Variants in CPNE9 observed in about 807,000 individuals in gnomAD.
The protein encoded by CPNE9 is copine family member 9, also known as copine-9.
A neutral mutation model predicts 83.0 loss-of-function variants in CPNE9; 59 were observed. The observed-to-expected ratio is 0.71, with a 90% confidence interval of 0.58 to 0.88. CPNE9 has a LOEUF of 0.88. Among genes scored for constraint, CPNE9 ranks in the 40% least tolerant of loss-of-function variants. The pLI, the probability that CPNE9 is intolerant of heterozygous loss-of-function variation, is 0.00. For synonymous variants in CPNE9, 256 were observed against 273.4 expected (o/e 0.94, Z 0.63); for missense variants, 619 against 720.8 (o/e 0.86, Z 1.62).
intron 17 of CPNE9, 134 bp downstream of exon 17, chr3:9,718,736 C>A: frequency 1.9e-6 from 2 of 1,056,108 alleles, no homozygotes; most frequent in Non-Finnish European, 2.7e-6. Context: ...CATGGTGGCT[C>A]ATACCTGTAA....
At chr3:9,728,573 A>G (rs569847168) in intron 20 of CPNE9, among the ~76,000 whole-genome samples, 1 of 152,344 alleles carries the variant, frequency 6.6e-6, no homozygotes, top group East Asian at 1.9e-4. Flanking sequence ...CAGTGAGCCG[A>G]GATCGCACCA....
chr3:9,715,503 A>G lies in CPNE9; in HGVS notation c.799A>G (p.Lys267Glu). Residue 267 changes from lysine to glutamate, a missense_variant, in exon 13 of 21, where the codon AAG becomes GAG. By Grantham distance (56) the Lys-to-Glu change is moderately conservative. Around this residue, in one of 3 missense-constraint regions of CPNE9, gnomAD observed 438 missense variants for 562.9 expected, o/e 0.78. Coordinates refer to ENST00000383832, the MANE Select transcript of CPNE9 (RefSeq NM_153635.3). ...TAACCCTCGGAAGAAATGTAAGAAG[A>G]AGAAATATGTCAACTCAGGAACTGT... ...VLNPRKKCKK[K>E]KYVNSGTVTL... 6.2e-7 allele frequency: 1 copy of G among 1,614,064 alleles called. No individual in the cohort carries two copies. Among genetic ancestry groups the G allele is most frequent in the Non-Finnish European group, 8.5e-7 (1 of 1,179,946 alleles).
At chr3:9,705,643 C>T (rs73021421) in intron 5 of CPNE9, 75 bp from the exon 6 acceptor site, 1 of 1,593,280 alleles carries the variant, frequency 6.3e-7, no homozygotes, top group East Asian at 2.2e-5. Context: ...CCCTCTCCTC[C>T]TGCCTGAGTG....
In CPNE9 at chr3:9,712,747, G is replaced by A. The variant is rs1156539921; in HGVS notation, c.464G>A (p.Cys155Tyr). Residue 155 changes from cysteine (C) to tyrosine (Y), a missense_variant, in exon 9 of 21, where the codon TGT becomes TAT. This residue lies in a region of CPNE9 where 438 missense variants were observed against 562.9 expected (regional missense o/e 0.78). Transcript: ENST00000383832. ...TAGGACATTGCCACCATGCAGCTGT[G>A]TGCAAACAAGCTGGACAAGAAGGAC... is the stretch of plus-strand genomic sequence containing the variant. ...NCRDIATMQL[C>Y]ANKLDKKDFF... 6.2e-7 allele frequency: 1 copy of A among 1,614,008 alleles called. No homozygotes were observed. The highest frequency in any genetic ancestry group is 1.3e-5 in the African/African-American group (1 of 74,910).
chr3:9,725,275 C>T lies in CPNE9; in HGVS notation c.1242-674C>T, dbSNP rs529919429. 2.6e-5 allele frequency among the ~76,000 whole-genome samples: 4 copies of T among 152,224 alleles called. No homozygotes were observed. In the South Asian group the frequency reaches 8.3e-4, roughly 32 times the overall value. On this transcript the variant is annotated intron_variant, in intron 17 of 20. Transcript: ENST00000383832. ...GCAGACCAGGCACGGTGGCTCATGCCTGTGCTCCCAGCACTTTGAGAGGCT... is the reference window on the plus strand; with the variant it reads ...GCAGACCAGGCACGGTGGCTCATGCTTGTGCTCCCAGCACTTTGAGAGGCT...
chr3:9,721,176 C>T (rs146895684), intron 17 of CPNE9, among the ~76,000 whole-genome samples: 154 of 152,324 alleles, frequency 1.0e-3, no homozygotes, highest in African/African-American at 3.4e-3. Context: ...TGGGAGCTCC[C>T]GCCTTGGTGC....
intron 17 of CPNE9, among the ~76,000 whole-genome samples, chr3:9,724,345 C>T (rs1394221292): frequency 6.6e-6 from 1 of 152,122 alleles, no homozygotes; most frequent in Non-Finnish European, 1.5e-5. Flanking sequence ...GGGAGGACTG[C>T]ATGGGGCCCA....
chr3:9,711,064 T>C (rs954250553), intron 7 of CPNE9, among the ~76,000 whole-genome samples: 8 of 151,788 alleles, frequency 5.3e-5, no homozygotes, highest in African/African-American at 1.7e-4. Flanking sequence ...AGAGACAGGA[T>C]GCAAGGGAAT....
intron 7 of CPNE9, among the ~76,000 whole-genome samples, chr3:9,707,122 G>C (rs1266838097): frequency 6.6e-6 from 1 of 152,070 alleles, no homozygotes; most frequent in African/African-American, 2.4e-5. Context: ...GGGAGGCTGA[G>C]GCAGGCGGAT....
At chr3:9,725,674 GTGTATATATATATACATATA>G (rs1239631306) in intron 17 of CPNE9, among the ~76,000 whole-genome samples, 38 of 29,184 alleles carry the variant, frequency 1.3e-3, no homozygotes, top group Admixed American at 2.1e-3. Context: ...GTATATATAT[GTGTATATATATATACATATA>G]TGTGTATATA....
At chr3:9,722,490 T>A (rs995270833) in intron 17 of CPNE9, among the ~76,000 whole-genome samples, 1 of 151,826 alleles carries the variant, frequency 6.6e-6, no homozygotes, top group Non-Finnish European at 1.5e-5. Flanking sequence ...AACCCTTCCA[T>A]GATGCCCATT....
chr3:9,726,095 T>C (rs1027042572), intron 18 of CPNE9, 44 bp downstream of exon 18: 5 of 1,243,050 alleles, frequency 4.0e-6, no homozygotes, highest in Non-Finnish European at 5.7e-6. Flanking sequence ...GTAATGTCAA[T>C]ACTGTGAAGG....
In CPNE9 at chr3:9,718,212, T is replaced by A; in HGVS notation, c.1113+2T>A. ...CGGATCTCCCACCAGTTCCCCCTGG[T>A]ATGGTATTGGCCAGAGCTTACCCTC... On this transcript the variant is annotated splice_donor_variant, in intron 16 of 20. Transcript: ENST00000383832. LOFTEE classifies it high-confidence loss of function. The A allele has an allele frequency of 6.2e-7, 1 of 1,608,936 alleles. No individual in the cohort carries two copies. Among genetic ancestry groups the A allele is most frequent in the Non-Finnish European group, 8.5e-7 (1 of 1,177,190 alleles).
At chr3:9,720,266 C>T (rs1227157511) in intron 17 of CPNE9, among the ~76,000 whole-genome samples, 1 of 151,948 alleles carries the variant, frequency 6.6e-6, no homozygotes, top group Non-Finnish European at 1.5e-5. Flanking sequence ...CACAAAGCCC[C>T]TCAGAAAGCT....
At position 9,727,056 on chromosome 3, in the gene CPNE9, G is replaced by A. The variant is rs371123681; in HGVS notation, c.1403-57G>A. 4,025 of 1,579,506 alleles carry A rather than the reference G, an allele frequency of 2.5e-3. 8 individuals carry two copies. Among genetic ancestry groups the A allele is most frequent in the Non-Finnish European group, 3.1e-3 (3,596 of 1,149,122 alleles). On this transcript the variant is annotated intron_variant, in intron 19 of 20. Coordinates refer to ENST00000383832, the MANE Select transcript of CPNE9 (RefSeq NM_153635.3). ...CCAAAGGGGAGCTCAAAGGGAGGGG[G>A]CAGCATGGGGTGGGGCTGGAGAGGC... is the stretch of plus-strand genomic sequence containing the variant.
chr3:9,721,102 G>C (rs2076730184), intron 17 of CPNE9, among the ~76,000 whole-genome samples: 1 of 152,216 alleles, frequency 6.6e-6, no homozygotes, highest in African/African-American at 2.4e-5. Context: ...GGCATCTGCT[G>C]TGTGCTCAGT....
chr3:9,723,833 C>G (rs537094348), intron 17 of CPNE9, among the ~76,000 whole-genome samples: 4 of 152,302 alleles, frequency 2.6e-5, no homozygotes, highest in Admixed American at 2.0e-4. Context: ...CGTGAGCCAC[C>G]CCACCTGTCC....
chr3:9,715,886 C>T, intron 13 of CPNE9, 88 bp from the exon 14 acceptor site: 2 of 1,156,328 alleles, frequency 1.7e-6, no homozygotes, highest in Non-Finnish European at 1.3e-6. Context: ...CATCACGTGC[C>T]TCTTTCCAAG....
chr3:9,709,039 C>T (rs759155200), intron 7 of CPNE9, among the ~76,000 whole-genome samples: 2 of 150,718 alleles, frequency 1.3e-5, no homozygotes, highest in Non-Finnish European at 1.5e-5. Context: ...TTTGGGAGGC[C>T]GAGGTGGGTG....
Sources: allele counts gnomAD v4.1 joint callset (sites outside exome capture counted in the v4.1 genomes callset), GRCh38; gene constraint gnomAD v4.1.1; regional missense constraint gnomAD v4.1.1; transcripts MANE v1.5; gene names NCBI Gene and HGNC (gene_info 2026-07-23, HGNC 2026-07-21).